The following SLC43A1 variants were observed in gnomAD, a reference collection of about 807,000 sequenced individuals.
SLC43A1 encodes the protein solute carrier family 43 member 1.
SLC43A1 carries 31 observed loss-of-function variants against 59.5 expected under a neutral mutation model. The ratio of observed to expected loss-of-function variants is 0.52; its 90% CI spans 0.39 to 0.70. SLC43A1 has a LOEUF of 0.70. Ranked by LOEUF, SLC43A1 falls within the 30% of genes least tolerant of loss-of-function variation. The pLI is 0.00. For synonymous variants in SLC43A1, 259 were observed against 290.9 expected (o/e 0.89, Z 1.12); for missense variants, 598 against 717.8 (o/e 0.83, Z 1.91).
chr11:57,501,292 G>A lies in SLC43A1; in HGVS notation c.192C>T (p.Arg64=). 1 of 1,611,456 alleles carries A rather than the reference G, an allele frequency of 6.2e-7. No homozygotes were observed. Residue 64 remains arginine (R), a synonymous_variant, in exon 3 of 15, where the codon CGC becomes CGT. Coordinates refer to ENST00000278426, the MANE Select transcript of SLC43A1 (RefSeq NM_003627.6). ...CCTGCTGGTCACAGCCTGGCCACCT[G>A]CGCTGCTCATCCTGGGTGGTGTTGG... ...SSTNTTQDEQ[R]RWPGCDQQDE...
chr11:57,499,725 G>A (rs902284773), intron 5 of SLC43A1: 1 of 152,452 alleles, frequency 6.6e-6, no homozygotes, highest in Non-Finnish European at 1.5e-5. Context: ...AGGCTGAGGG[G>A]CGGTGCCAGC....
At chr11:57,513,478 T>C (rs3851118) in intron 2 of SLC43A1, among the ~76,000 whole-genome samples, 56,531 of 152,118 alleles carry the variant, frequency 0.37, 11,106 homozygotes, top group African/African-American at 0.5. Context: ...AACCAGAGAC[T>C]CTCCACAATG....
chr11:57,500,697 T>C (rs2250673), intron 5 of SLC43A1, 82 bp downstream of exon 5: 957,299 of 1,248,920 alleles, frequency 0.77, 367,885 homozygotes, highest in East Asian at 0.87. Flanking sequence ...CCCCAGCCCA[T>C]TCATACTGCC....
Position 57,514,350 on chromosome 11 carries a change from A to G in SLC43A1, c.-13-226T>C, listed in dbSNP as rs1944628536. The G allele has an allele frequency of 1.8e-6, 1 of 547,626 alleles. No homozygotes were observed. The highest frequency in any genetic ancestry group is 1.9e-5 in the African/African-American group (1 of 52,306). 33.9% of individuals were successfully genotyped at this position (547,626 alleles called of 1,614,324 possible). A position where few individuals can be genotyped will look rare whatever the true frequency, so the allele number is the denominator to read the frequency against. On this transcript the variant is annotated intron_variant, in intron 1 of 14. Transcript: ENST00000278426. This position sits in a 1 kb window ranked among gnomAD's most constrained non-coding sequence, Gnocchi z 5.5. ...GGCTCCCGCTGAGCCACTATCGGAA[A>G]CAAGGAAGGTCCTGTCTGCGCGCTG...
Position 57,487,166 on chromosome 11 carries a change from C to T in SLC43A1, c.1462G>A (p.Ala488Thr), listed in dbSNP as rs767570648. 8.1e-6 allele frequency: 13 copies of T among 1,613,982 alleles called. No homozygotes were observed. The highest frequency in any genetic ancestry group is 1.1e-5 in the Non-Finnish European group (13 of 1,179,984). ...GGCTGCTGAAGCAAGGCGAACACAGCACTGATGAGGGACTGCAGGCCTGTC... is the reference window on the plus strand; with the variant it reads ...GGCTGCTGAAGCAAGGCGAACACAGTACTGATGAGGGACTGCAGGCCTGTC... ...TLTGLQSLIS[A>T]VFALLQQPLF... The change falls in exon 14 of 15, where the codon GCT becomes ACT. Residue 488 changes from alanine to threonine, a missense_variant. Coordinates refer to ENST00000278426, the MANE Select transcript of SLC43A1 (RefSeq NM_003627.6).
rs775335116 is a variant in SLC43A1 at position 57,488,926 on chromosome 11, A to G, written c.1399T>C (p.Tyr467His). The G allele has an allele frequency of 6.2e-6, 10 of 1,613,770 alleles. No homozygotes were observed. In the Admixed American group the frequency reaches 6.7e-5, roughly 11 times the overall value. Residue 467 changes from tyrosine (Y) to histidine (H), a missense_variant, in exon 13 of 15, where the codon TAT (tyrosine) becomes CAT (histidine). Coordinates refer to ENST00000278426, the MANE Select transcript of SLC43A1 (RefSeq NM_003627.6). ...GCCCAACAGACTCACACTGCAGCATAGAGACTCCCACAGGCTGAGTGGAAG... is the reference window on the plus strand; with the variant it reads ...GCCCAACAGACTCACACTGCAGCATGGAGACTCCCACAGGCTGAGTGGAAG... The part of the protein sequence containing the change: ...GFFHSACGSL[Y>H]AAVFPSNHFG...
chr11:57,496,720 A>G (rs927299032), intron 6 of SLC43A1, among the ~76,000 whole-genome samples: 1 of 152,186 alleles, frequency 6.6e-6, no homozygotes, highest in African/African-American at 2.4e-5. Context: ...TGCTCTGCCC[A>G]AGGGCTCTCA....
At chr11:57,504,327 C>G (rs1316434372) in intron 2 of SLC43A1, among the ~76,000 whole-genome samples, 1 of 152,218 alleles carries the variant, frequency 6.6e-6, no homozygotes, top group Non-Finnish European at 1.5e-5. Flanking sequence ...AATTCCCAGA[C>G]ATTGCTATTC....
chr11:57,488,286 C>CGGAGTGAACATGGAGTGTGAG (rs1943800451), intron 13 of SLC43A1, among the ~76,000 whole-genome samples: 1 of 152,028 alleles, frequency 6.6e-6, no homozygotes, highest in African/African-American at 2.4e-5. Context: ...GTACTGAGGA[C>CGGAGTGAACATGGAGTGTGAG]GGAGTGAACA....
intron 8 of SLC43A1, 43 bp downstream of exon 8, chr11:57,493,950 C>T (rs1944003371): frequency 1.3e-6 from 2 of 1,532,740 alleles, no homozygotes; most frequent in Non-Finnish European, 1.8e-6. Context: ...TGAGGACCCA[C>T]CATCACTATC....
chr11:57,495,146 C>T (rs1352962200), intron 7 of SLC43A1, among the ~76,000 whole-genome samples: 1 of 151,970 alleles, frequency 6.6e-6, no homozygotes, highest in African/African-American at 2.4e-5. Context: ...CTGCGCCTGG[C>T]CCATTACTTT....
intron 7 of SLC43A1, among the ~76,000 whole-genome samples, chr11:57,494,883 T>C (rs1244236720): frequency 2.0e-5 from 3 of 151,800 alleles, no homozygotes; most frequent in African/African-American, 7.3e-5. Flanking sequence ...GTTTTTGATC[T>C]TGTTGCCCAG....
chr11:57,492,408 T>C (rs1384549699), intron 8 of SLC43A1, among the ~76,000 whole-genome samples: 1 of 128,916 alleles, frequency 7.8e-6, no homozygotes, highest in African/African-American at 2.9e-5. Flanking sequence ...GTGGTCAACA[T>C]AGCAAGACCC....
chr11:57,498,967 T>C (rs932626747), intron 5 of SLC43A1, among the ~76,000 whole-genome samples: 5 of 151,960 alleles, frequency 3.3e-5, no homozygotes, highest in Admixed American at 2.6e-4. Context: ...GTACAAAGCC[T>C]AAACACACTC....
In SLC43A1 at chr11:57,491,820, A is replaced by G. The variant is rs1943913132; in HGVS notation, c.914T>C (p.Leu305Pro). Residue 305 changes from leucine (L) to proline (P), a missense_variant, in exon 9 of 15, where the codon CTG (leucine) becomes CCG (proline). Transcript: ENST00000278426. ...LRKSLCSPTF[L>P]WSLLTMGMTQ... ...CATGCCCATGGTGAGGAGGCTCCACAGGAAAGTGGGGGAGCAGAGGCTCTT... is the reference window on the plus strand; with the variant it reads ...CATGCCCATGGTGAGGAGGCTCCACGGGAAAGTGGGGGAGCAGAGGCTCTT... 6 of 1,614,050 alleles carry G rather than the reference A, an allele frequency of 3.7e-6. No homozygotes were observed. The highest frequency in any genetic ancestry group is 1.3e-5 in the African/African-American group (1 of 74,932).
chr11:57,501,703 A>G (rs1357016918), intron 2 of SLC43A1, among the ~76,000 whole-genome samples: 1 of 152,234 alleles, frequency 6.6e-6, no homozygotes, highest in Non-Finnish European at 1.5e-5. Context: ...GGCTATAACA[A>G]GAATTCATTA....
intron 2 of SLC43A1, 174 bp from the exon 3 acceptor site, chr11:57,501,503 C>G: frequency 1.6e-6 from 1 of 631,614 alleles, no homozygotes. Context: ...GCCATTAGTA[C>G]CTGACCCTGG....
rs141990229 is a variant in SLC43A1, at chr11:57,494,049, G to A, written c.815C>T (p.Ser272Leu). 1,884 of 1,610,352 alleles carry A rather than the reference G, an allele frequency of 1.2e-3. 4 individuals carry two copies. The highest frequency in any genetic ancestry group is 5.0e-3 in the Middle Eastern group (30 of 6,050). Reference sequence around the variant, plus strand: ...ATCCTGGGGTGACATGAAGGCATCCGAACCGTCCTCCAGGCTGGGGGCCTT... The same window carrying A: ...ATCCTGGGGTGACATGAAGGCATCCAAACCGTCCTCCAGGCTGGGGGCCTT... Reference protein sequence around the residue: ...SQKAPSLEDGSDAFMSPQDVR... With the variant: ...SQKAPSLEDGLDAFMSPQDVR... The change falls in exon 8 of 15, where the codon TCG (serine) becomes TTG (leucine). Residue 272 changes from serine to leucine, a missense_variant. Physicochemically the swap from Ser to Leu is moderately radical, Grantham distance 145. Transcript: ENST00000278426.
intron 13 of SLC43A1, among the ~76,000 whole-genome samples, chr11:57,488,667 G>A (rs963463397): frequency 2.0e-5 from 3 of 152,186 alleles, no homozygotes; most frequent in African/African-American, 4.8e-5. Flanking sequence ...TCTGGGGGCC[G>A]TTTCAAACAG....
Sources: allele counts gnomAD v4.1 joint callset (sites outside exome capture counted in the v4.1 genomes callset), GRCh38; gene constraint gnomAD v4.1.1; non-coding constraint Gnocchi (gnomAD v3.1); transcripts MANE v1.5; gene names NCBI Gene and HGNC (gene_info 2026-07-23, HGNC 2026-07-21).